The following ZNF428 variants were observed in gnomAD, a reference collection of about 807,000 sequenced individuals.
ZNF428 encodes the protein zinc finger protein 428, also known as enzyme-like protein PIT13.
Under a neutral mutation model 15.6 loss-of-function variants are expected in ZNF428, and 5 were observed. The observed-to-expected ratio is 0.32, with a 90% CI of 0.17 to 0.67. The LOEUF (loss-of-function observed/expected upper bound fraction) is 0.67. ZNF428 is among the 30% of genes least tolerant of loss of function. ZNF428 has a pLI of 0.73. For synonymous variants in ZNF428, 97 were observed against 102.2 expected, an observed-to-expected ratio of 0.95 and a Z score of 0.31; for missense variants, 237 against 256.0, an observed-to-expected ratio of 0.93 and a Z score of 0.51.
intron 1 of ZNF428, 45 bp from the exon 2 acceptor site, chr19:43,614,479 T>G (rs1039925855): frequency 7.0e-7 from 1 of 1,424,664 alleles, no homozygotes; most frequent in African/African-American, 1.4e-5. Context: ...CAATAAATTT[T>G]TACATAGCAC....
At position 43,608,124 on chromosome 19, in the gene ZNF428, A is replaced by G. The variant is rs776724844; in HGVS notation, c.77-17T>C. On this transcript the variant is annotated splice_polypyrimidine_tract_variant and intron_variant, in intron 2 of 2. Coordinates refer to ENST00000300811, the MANE Select transcript of ZNF428 (RefSeq NM_182498.4). ...GCTCGGGGCCTGGAGGGGGACAGACAGGGGAAGACAGTGGTATCAGAGGAA... is the reference window on the plus strand; with the variant it reads ...GCTCGGGGCCTGGAGGGGGACAGACGGGGGAAGACAGTGGTATCAGAGGAA... 1.5e-5 allele frequency: 24 copies of G among 1,599,754 alleles called. No individual in the cohort carries two copies. The highest frequency in any genetic ancestry group is 1.6e-5 in the Non-Finnish European group (19 of 1,172,794).
chr19:43,609,708 C>T (rs1404946530), intron 2 of ZNF428, among the ~76,000 whole-genome samples: 1 of 151,326 alleles, frequency 6.6e-6, no homozygotes, highest in Non-Finnish European at 1.5e-5. Context: ...AACCACTGCA[C>T]TCCAGCCTGG....
At position 43,614,416 on chromosome 19, in the gene ZNF428, T is replaced by G. The variant is rs1353358369; in HGVS notation, c.-112A>C. Reference sequence around the variant, plus strand: ...CCACAAGTTCTCTAATACAGGATGTTGGCAGGTAGAGAGGGATGCTGGATA... The same window carrying G: ...CCACAAGTTCTCTAATACAGGATGTGGGCAGGTAGAGAGGGATGCTGGATA... On this transcript the variant is annotated 5_prime_UTR_variant, in exon 2 of 3. Coordinates refer to ENST00000300811, the MANE Select transcript of ZNF428 (RefSeq NM_182498.4). 7 of 1,471,182 alleles carry G rather than the reference T, an allele frequency of 4.8e-6. No homozygotes were observed. Among genetic ancestry groups the G allele is most frequent in the Non-Finnish European group, 5.4e-6 (6 of 1,115,312 alleles). The allele number at this position is 1,471,182 out of a possible 1,614,324, so 91.1% of individuals were successfully genotyped here.
chr19:43,618,025 CTTTTTTTTTTTTTTT>C (rs35170127), intron 1 of ZNF428, among the ~76,000 whole-genome samples: 2 of 55,328 alleles, frequency 3.6e-5, no homozygotes, highest in Non-Finnish European at 6.0e-5. Flanking sequence ...CCATGCCCGG[CTTTTTTTTTTTTTTT>C]TTTTTTTTTT....
chr19:43,613,220 C>A, intron 2 of ZNF428: 1 of 1,551,694 alleles, frequency 6.4e-7, no homozygotes, highest in Non-Finnish European at 8.7e-7. Flanking sequence ...AAGTCATAGC[C>A]ATTCCAGAAG....
At position 43,619,609 on chromosome 19, in the gene ZNF428, C is replaced by T. The variant is rs1484246894; in HGVS notation, c.-182G>A. 5 of 152,310 alleles carry T rather than the reference C, an allele frequency of 3.3e-5. No homozygotes were observed. The South Asian group carries it at 6.2e-4, about 19-fold the overall frequency. The allele number at this position is 152,310 out of a possible 1,614,324, so 9.4% of individuals were successfully genotyped here. ...CTGCGGCGGCGGCTGCACGCCCAGC[C>T]TCTGCGCCTGCGTCGCAAGTAGGGT... On this transcript the variant is annotated 5_prime_UTR_variant, in exon 1 of 3. Transcript: ENST00000300811.
chr19:43,617,794 G>T (rs923586889), intron 1 of ZNF428, among the ~76,000 whole-genome samples: 1 of 152,108 alleles, frequency 6.6e-6, no homozygotes, highest in African/African-American at 2.4e-5. Flanking sequence ...TCCTGCCTTG[G>T]CCTCCCACTT....
rs377174455 is a variant in ZNF428 at position 43,614,266 on chromosome 19, G to A, written c.39C>T (p.Tyr13=). The A allele has an allele frequency of 4.6e-5, 75 of 1,613,472 alleles. No homozygotes were observed. Among genetic ancestry groups the A allele is most frequent in the East Asian group, 8.9e-5 (4 of 44,884 alleles). ...ETREPAETGG[Y]ASLEEDDEDL... ...CTTCATCATCTTCTTCCAAGCTGGC[G>A]TAGCCCCCAGTCTCAGCTGGCTCAC... The change falls in exon 2 of 3, where the codon TAC becomes TAT. Residue 13 remains tyrosine (Y), a synonymous_variant. Transcript: ENST00000300811.
chr19:43,613,535 G>A, intron 2 of ZNF428: 1 of 1,551,044 alleles, frequency 6.4e-7, no homozygotes, highest in Admixed American at 2.0e-5. Context: ...CAAGGCGAGA[G>A]ATCGCAGCCG....
rs878923520 is a variant in ZNF428, at chr19:43,612,060, C to T, written c.76+2169G>A. 1.6e-6 allele frequency: 2 copies of T among 1,280,928 alleles called. No individual in the cohort carries two copies. Among genetic ancestry groups the T allele is most frequent in the African/African-American group, 1.5e-5 (1 of 67,632 alleles). The allele number at this position is 1,280,928 out of a possible 1,614,324, so 79.3% of individuals were successfully genotyped here. A position where few individuals can be genotyped will look rare whatever the true frequency, so the allele number is the denominator to read the frequency against. ...TGACAGGCAATCAGGTCATCGTCCA[C>T]GGCTACCAGGTGTTTCATGTCTACT... On this transcript the variant is annotated intron_variant, in intron 2 of 2. Coordinates refer to ENST00000300811, the MANE Select transcript of ZNF428 (RefSeq NM_182498.4). The surrounding 1 kb of genome is among the most constrained non-coding windows in gnomAD (Gnocchi z 4.2).
At chr19:43,617,269 C>CCA (rs1491170361) in intron 1 of ZNF428, among the ~76,000 whole-genome samples, 5 of 151,790 alleles carry the variant, frequency 3.3e-5, no homozygotes, top group African/African-American at 9.7e-5. Flanking sequence ...ACCAACCCCA[C>CCA]CACACACACA....
chr19:43,612,806 G>A lies in ZNF428; in HGVS notation c.76+1423C>T. ...AACCCCGACTGGAATTCCCTCCAAG[G>A]AGAAGAGTGACAACCCATCTCCATC... is the stretch of plus-strand genomic sequence containing the variant. On this transcript the variant is annotated intron_variant, in intron 2 of 2. Coordinates refer to ENST00000300811, the MANE Select transcript of ZNF428 (RefSeq NM_182498.4). The surrounding 1 kb of genome is among the most constrained non-coding windows in gnomAD (Gnocchi z 4.2). 6.4e-7 allele frequency: 1 copy of A among 1,551,604 alleles called. No homozygotes were observed. Among genetic ancestry groups the A allele is most frequent in the Non-Finnish European group, 8.7e-7 (1 of 1,146,976 alleles).
Position 43,612,828 on chromosome 19 carries a change from C to T in ZNF428, c.76+1401G>A. ...AAGGAGAAGAGTGACAACCCATCTC[C>T]ATCCTCATCAAGGAAGGTGAAGAGC... On this transcript the variant is annotated intron_variant, in intron 2 of 2. Coordinates refer to ENST00000300811, the MANE Select transcript of ZNF428 (RefSeq NM_182498.4). This position sits in a 1 kb window ranked among gnomAD's most constrained non-coding sequence, Gnocchi z 4.2. The T allele has an allele frequency of 6.4e-7, 1 of 1,551,664 alleles. No individual in the cohort carries two copies. The highest frequency in any genetic ancestry group is 8.7e-7 in the Non-Finnish European group (1 of 1,146,974).
chr19:43,618,195 C>T (rs1197739498), intron 1 of ZNF428, among the ~76,000 whole-genome samples: 1 of 151,948 alleles, frequency 6.6e-6, no homozygotes, highest in African/African-American at 2.4e-5. Context: ...CCACCACGCC[C>T]GACTATTTTT....
chr19:43,619,075 G>A (rs1423727224), intron 1 of ZNF428, among the ~76,000 whole-genome samples: 1 of 152,152 alleles, frequency 6.6e-6, no homozygotes, highest in Non-Finnish European at 1.5e-5. Context: ...TGCCCCGCGT[G>A]AACACAATAG....
rs1973247341 is a variant in ZNF428 at position 43,607,306 on chromosome 19, A to AGCAC, written c.*307_*310dup. ...ATACATGGAAACCTCATCGAATACA[A>AGCAC]GCACGCAGTAAATGTTATCTTTCCC... On this transcript the variant is annotated 3_prime_UTR_variant, in exon 3 of 3. Transcript: ENST00000300811. The surrounding 1 kb of genome is among the most constrained non-coding windows in gnomAD (Gnocchi z 5.1). 2.9e-6 allele frequency: 1 copy of AGCAC among 340,888 alleles called. No individual in the cohort carries two copies. The highest frequency in any genetic ancestry group is 5.3e-6 in the Non-Finnish European group (1 of 188,724). The allele number at this position is 340,888 out of a possible 1,614,324, so 21.1% of individuals were successfully genotyped here.
intron 1 of ZNF428, among the ~76,000 whole-genome samples, chr19:43,617,725 G>A (rs867899392): frequency 1.2e-4 from 18 of 152,170 alleles, no homozygotes; most frequent in African/African-American, 3.1e-4. Context: ...TTTTTGTTGC[G>A]GAGATGGTGT....
intron 1 of ZNF428, among the ~76,000 whole-genome samples, chr19:43,618,651 C>A (rs1157188053): frequency 6.8e-6 from 1 of 147,010 alleles, no homozygotes; most frequent in African/African-American, 2.6e-5. Context: ...CTCAAGCGAT[C>A]CTCCTGCCTT....
rs1264514944 is a variant in ZNF428 at position 43,607,953 on chromosome 19, G to T, written c.231C>A (p.Gly77=). The change falls in exon 3 of 3, where the codon GGC becomes GGA. Residue 77 remains glycine, a synonymous_variant. Transcript: ENST00000300811. This position sits in a 1 kb window ranked among gnomAD's most constrained non-coding sequence, Gnocchi z 5.1. ...VKQRLGGGRG[G]PSRRAPRAAQ... is the part of the protein sequence containing the mutation. ...CTGCACGGGGGGCCCGGCGGGATGG[G>T]CCACCACGGCCCCCGCCAAGGCGCT... 2.5e-6 allele frequency: 4 copies of T among 1,591,564 alleles called. No individual in the cohort carries two copies. Among genetic ancestry groups the T allele is most frequent in the Non-Finnish European group, 3.4e-6 (4 of 1,169,284 alleles).
Sources: allele counts gnomAD v4.1 joint callset (sites outside exome capture counted in the v4.1 genomes callset), GRCh38; gene constraint gnomAD v4.1.1; non-coding constraint Gnocchi (gnomAD v3.1); transcripts MANE v1.5; gene names NCBI Gene and HGNC (gene_info 2026-07-23, HGNC 2026-07-21).